Variants in GUCA1C observed in about 807,000 individuals in gnomAD.
GUCA1C encodes the protein guanylyl cyclase-activating protein 3.
GUCA1C carries 15 observed loss-of-function variants against 16.2 expected under a neutral mutation model. That is an observed-to-expected ratio of 0.93 (90% CI 0.62 to 1.43). The LOEUF (loss-of-function observed/expected upper bound fraction) is 1.43, where lower values mean the gene tolerates loss of function less well. Ranked by LOEUF, GUCA1C falls within the 40% of genes most tolerant of loss-of-function variation. The pLI is 0.00. For missense variants in GUCA1C, 275 were observed against 244.8 expected (o/e 1.12, Z -0.82); for synonymous variants, 78 against 85.4 (o/e 0.91, Z 0.48).
rs962975368 is a variant in GUCA1C at position 108,910,551 on chromosome 3, A to G, written c.443-2342T>C. Among the ~76,000 whole-genome samples the G allele has an allele frequency of 2.0e-5, 3 of 152,048 alleles. No individual in the cohort carries two copies. In the East Asian group the frequency reaches 5.8e-4, roughly 29 times the overall value. On this transcript the variant is annotated intron_variant, in intron 3 of 3. Transcript: ENST00000261047. ...AAAAAGCCAATGCCTGTGAGAGATG[A>G]TAGAGCAGGGAGATCATGGGACTTA...
intron 1 of GUCA1C, among the ~76,000 whole-genome samples, chr3:108,939,352 G>C (rs140938786): frequency 8.0e-5 from 1 of 12,462 alleles, no homozygotes; most frequent in African/African-American, 2.8e-4. Flanking sequence ...TTTTTTTTGA[G>C]ACGGAATCTT....
intron 2 of GUCA1C, among the ~76,000 whole-genome samples, chr3:108,917,668 G>A (rs1946531186): frequency 6.6e-6 from 1 of 152,238 alleles, no homozygotes; most frequent in East Asian, 1.9e-4. Flanking sequence ...CCTGGCCTGA[G>A]AGGTGTAGAC....
At chr3:108,950,739 A>G (rs1021985089) in intron 1 of GUCA1C, among the ~76,000 whole-genome samples, 4 of 152,192 alleles carry the variant, frequency 2.6e-5, no homozygotes, top group Admixed American at 2.6e-4. Flanking sequence ...CACATTAAAA[A>G]GAGATCAAAA....
At chr3:108,943,853 C>A (rs1946816035) in intron 1 of GUCA1C, among the ~76,000 whole-genome samples, 1 of 152,142 alleles carries the variant, frequency 6.6e-6, no homozygotes. Flanking sequence ...TTAGCTCCCA[C>A]ATATTACTGA....
chr3:108,934,968 C>G (rs1177779302), intron 1 of GUCA1C, among the ~76,000 whole-genome samples: 3 of 151,834 alleles, frequency 2.0e-5, no homozygotes, highest in Admixed American at 2.0e-4. Flanking sequence ...CGCCCGCCAC[C>G]ACGCCCGGCT....
intron 1 of GUCA1C, among the ~76,000 whole-genome samples, chr3:108,922,371 G>A (rs1946578161): frequency 1.3e-5 from 2 of 152,144 alleles, no homozygotes; most frequent in South Asian, 2.1e-4. Flanking sequence ...TGGGATTGCT[G>A]GATCAAACAG....
At chr3:108,948,016 C>T (rs1182067376) in intron 1 of GUCA1C, among the ~76,000 whole-genome samples, 1 of 152,152 alleles carries the variant, frequency 6.6e-6, no homozygotes, top group Non-Finnish European at 1.5e-5. Context: ...ATTAGCAGCT[C>T]ACTGGGCTTT....
chr3:108,919,181 T>G (rs761452947), intron 2 of GUCA1C, among the ~76,000 whole-genome samples: 1 of 151,990 alleles, frequency 6.6e-6, no homozygotes, highest in Non-Finnish European at 1.5e-5. Context: ...AATTATTAAA[T>G]TTCTGTTCTG....
intron 3 of GUCA1C, among the ~76,000 whole-genome samples, chr3:108,912,299 T>C (rs563374486): frequency 9.9e-5 from 15 of 152,038 alleles, no homozygotes; most frequent in African/African-American, 3.6e-4. Context: ...TCAAGAATGA[T>C]GCCTAAATAG....
At chr3:108,908,811 GT>G (rs1187947431) in intron 3 of GUCA1C, among the ~76,000 whole-genome samples, 1 of 152,128 alleles carries the variant, frequency 6.6e-6, no homozygotes, top group African/African-American at 2.4e-5. Flanking sequence ...ATATCCATGT[GT>G]CCTGGCTGCC....
chr3:108,928,609 T>G (rs1208687955), intron 1 of GUCA1C, among the ~76,000 whole-genome samples: 7 of 152,230 alleles, frequency 4.6e-5, no homozygotes, highest in African/African-American at 1.7e-4. Context: ...TTGAGTAAAT[T>G]TTTGTGAAAG....
In GUCA1C at chr3:108,937,286, C is replaced by T. The variant is rs991231233; in HGVS notation, c.204+16273G>A. Among the ~76,000 whole-genome samples the T allele has an allele frequency of 5.3e-5, 8 of 152,300 alleles. 1 individual carries two copies. Among genetic ancestry groups the T allele is most frequent in the African/African-American group, 9.6e-5 (4 of 41,566 alleles). Reference sequence around the variant, plus strand: ...AGGCCAGACTAATTCTTCCATTCTCCCCACCCTGTGCAATCCCTGGGTGAA... The same window carrying T: ...AGGCCAGACTAATTCTTCCATTCTCTCCACCCTGTGCAATCCCTGGGTGAA... On this transcript the variant is annotated intron_variant, in intron 1 of 3. Transcript: ENST00000261047.
chr3:108,915,132 A>G (rs1350544102), intron 3 of GUCA1C, among the ~76,000 whole-genome samples: 2 of 152,136 alleles, frequency 1.3e-5, no homozygotes, highest in African/African-American at 4.8e-5. Context: ...CGGCCTCACC[A>G]TCCCATCCTG....
At chr3:108,916,008 G>T in intron 3 of GUCA1C, 119 bp downstream of exon 3, 1 of 1,192,328 alleles carries the variant, frequency 8.4e-7, no homozygotes, top group Non-Finnish European at 1.2e-6. Context: ...CCATTATGAA[G>T]CCTAAGTCAC....
At position 108,915,174 on chromosome 3, in the gene GUCA1C, A is replaced by G. The variant is rs1175240657; in HGVS notation, c.442+953T>C. On this transcript the variant is annotated intron_variant, in intron 3 of 3. Transcript: ENST00000261047. ...TGAGCTGCCACATTTTACTAGTACA[A>G]CCTGTCACACTCAACATGGGAACAT... 2.0e-5 allele frequency among the ~76,000 whole-genome samples: 3 copies of G among 152,222 alleles called. No individual in the cohort carries two copies. In the East Asian group the frequency reaches 5.8e-4, roughly 29 times the overall value.
At chr3:108,932,140 G>A (rs1946672969) in intron 1 of GUCA1C, among the ~76,000 whole-genome samples, 1 of 151,552 alleles carries the variant, frequency 6.6e-6, no homozygotes, top group African/African-American at 2.4e-5. Flanking sequence ...TTGAGCCACC[G>A]CACCCGGCCG....
upstream of GUCA1C, among the ~76,000 whole-genome samples, chr3:108,954,633 G>T (rs747552283): frequency 1.3e-5 from 2 of 152,032 alleles, no homozygotes; most frequent in African/African-American, 4.8e-5. Flanking sequence ...TAGTGGAAAT[G>T]AATGCTTTGT....
At chr3:108,919,245 C>T (rs551463331) in intron 2 of GUCA1C, among the ~76,000 whole-genome samples, 2 of 152,064 alleles carry the variant, frequency 1.3e-5, no homozygotes, top group South Asian at 4.2e-4. Context: ...CTAAGTTTAG[C>T]CCTTAACTTT....
At chr3:108,918,509 G>A (rs1946539340) in intron 2 of GUCA1C, among the ~76,000 whole-genome samples, 1 of 152,136 alleles carries the variant, frequency 6.6e-6, no homozygotes, top group Non-Finnish European at 1.5e-5. Context: ...CCCTCAAATT[G>A]CAGGATACAA....
Sources: allele counts gnomAD v4.1 joint callset (sites outside exome capture counted in the v4.1 genomes callset), GRCh38; gene constraint gnomAD v4.1.1; transcripts MANE v1.5; gene names NCBI Gene and HGNC (gene_info 2026-07-23, HGNC 2026-07-21).